Variants in SRC observed in about 807,000 individuals in gnomAD.
The protein encoded by SRC is SRC proto-oncogene, non-receptor tyrosine kinase.
SRC carries 13 observed loss-of-function variants against 62.9 expected under a neutral mutation model. The ratio of observed to expected loss-of-function variants is 0.21; its 90% confidence interval spans 0.13 to 0.33. The LOEUF (loss-of-function observed/expected upper bound fraction) is 0.33. Ranked by LOEUF, SRC falls within the 10% of genes least tolerant of loss-of-function variation. The pLI is 1.00. For missense variants in SRC, 457 were observed against 737.3 expected (o/e 0.62, Z 4.40); for synonymous variants, 302 against 317.5 (o/e 0.95, Z 0.52).
At chr20:37,378,172 T>C (rs1360029992) in intron 2 of SRC, among the ~76,000 whole-genome samples, 1 of 147,672 alleles carries the variant, frequency 6.8e-6, no homozygotes, top group East Asian at 1.9e-4. Flanking sequence ...TTTTTTTTTT[T>C]TTTTTTTTGA....
At chr20:37,380,734 G>C (rs924139697) in intron 2 of SRC, among the ~76,000 whole-genome samples, 5 of 152,222 alleles carry the variant, frequency 3.3e-5, no homozygotes, top group Non-Finnish European at 5.9e-5. Context: ...GCACAGTGGA[G>C]GGCACTGGGT....
chr20:37,361,135 T>TA (rs2069963392), intron 1 of SRC, among the ~76,000 whole-genome samples: 1 of 150,532 alleles, frequency 6.6e-6, no homozygotes, highest in Admixed American at 6.6e-5. Context: ...TGGTGGAGCT[T>TA]AGGGGGGGAA....
At chr20:37,379,040 C>T (rs936076507) in intron 2 of SRC, among the ~76,000 whole-genome samples, 6 of 151,788 alleles carry the variant, frequency 4.0e-5, no homozygotes, top group East Asian at 1.9e-4. Flanking sequence ...GCAGGCTTAG[C>T]GGGAGGTACT....
chr20:37,373,575 G>A (rs1025037047), intron 2 of SRC, among the ~76,000 whole-genome samples: 1 of 152,196 alleles, frequency 6.6e-6, no homozygotes, highest in East Asian at 1.9e-4. Flanking sequence ...CCCCCAAAGT[G>A]TTGGGATTAC....
In SRC at chr20:37,400,301, C is replaced by G. The variant is rs775036212; in HGVS notation, c.1039+7C>G. 1 of 1,602,802 alleles carries G rather than the reference C, an allele frequency of 6.2e-7. No homozygotes were observed. Among genetic ancestry groups the G allele is most frequent in the East Asian group, 2.2e-5 (1 of 44,512 alleles). On this transcript the variant is annotated splice_region_variant and intron_variant, in intron 10 of 13. Transcript: ENST00000373578. Reference sequence around the variant, plus strand: ...ACGGAGTACATGAGCAAGGGTGAGTCCTGGGCGGCCGGGGCAGGGGGCAGG... The same window carrying G: ...ACGGAGTACATGAGCAAGGGTGAGTGCTGGGCGGCCGGGGCAGGGGGCAGG...
intron 1 of SRC, among the ~76,000 whole-genome samples, chr20:37,354,383 T>G (rs757915575): frequency 3.3e-5 from 5 of 152,128 alleles, no homozygotes; most frequent in Non-Finnish European, 7.4e-5. Flanking sequence ...CCGGTGGGGC[T>G]GGGGTGGGGA....
chr20:37,351,897 A>G lies in SRC; in HGVS notation c.-247+5642A>G, dbSNP rs954826148. 6.6e-6 allele frequency among the ~76,000 whole-genome samples: 1 copy of G among 152,192 alleles called. No individual in the cohort carries two copies. The highest frequency in any genetic ancestry group is 1.5e-5 in the Non-Finnish European group (1 of 68,034). On this transcript the variant is annotated intron_variant, in intron 1 of 13. Coordinates refer to ENST00000373578, the MANE Select transcript of SRC (RefSeq NM_198291.3). This position sits in a 1 kb window ranked among gnomAD's most constrained non-coding sequence, Gnocchi z 4.4. Reference sequence around the variant, plus strand: ...CTGATTCTTATTAAGTGTGTACCCAACGTGGCTAAAACTTTTCCCAGGTAT... The same window carrying G: ...CTGATTCTTATTAAGTGTGTACCCAGCGTGGCTAAAACTTTTCCCAGGTAT...
rs557385592 is a variant in SRC, at chr20:37,386,428, C to CCT, written c.350+261_350+262dup. ...CCCTCCAGCCCTCTCTCAGCTTCTC[C>CCT]CTCTCTCTGCTTCTCTCTCGCTGGC... On this transcript the variant is annotated intron_variant, in intron 5 of 13. Transcript: ENST00000373578. 8.7e-4 allele frequency: 625 copies of CCT among 717,750 alleles called. 5 individuals carry two copies. The African/African-American group carries it at 0.01, about 12-fold the overall frequency. 44.5% of individuals were successfully genotyped at this position (717,750 alleles called of 1,614,324 possible). A position where few individuals can be genotyped will look rare whatever the true frequency, so the allele number is the denominator to read the frequency against.
Position 37,397,810 on chromosome 20 carries a change from T to C in SRC, c.815T>C (p.Leu272Pro), listed in dbSNP as rs754650463. The C allele has an allele frequency of 2.5e-6, 4 of 1,611,842 alleles. No homozygotes were observed. The highest frequency in any genetic ancestry group is 2.5e-6 in the Non-Finnish European group (3 of 1,179,780). ...AWEIPRESLRLEVKLGQGCFG... is the reference protein window; with the variant it reads ...AWEIPRESLRPEVKLGQGCFG... The stretch of plus-strand genomic sequence containing the variant: ...GAGATCCCTCGGGAGTCGCTGCGGC[T>C]GGAGGTCAAGCTGGGCCAGGGCTGC... Residue 272 changes from leucine to proline, a missense_variant, in exon 9 of 14, where the codon CTG (leucine) becomes CCG (proline). This residue lies in a region of SRC where 141 missense variants were observed against 198.4 expected (regional missense o/e 0.71). Coordinates refer to ENST00000373578, the MANE Select transcript of SRC (RefSeq NM_198291.3). This position sits in a 1 kb window ranked among gnomAD's most constrained non-coding sequence, Gnocchi z 4.1.
Position 37,402,773 on chromosome 20 carries a change from C to T in SRC, c.1295C>T (p.Thr432Met), listed in dbSNP as rs1490969287. 6.2e-7 allele frequency: 1 copy of T among 1,612,744 alleles called. No homozygotes were observed. Among genetic ancestry groups the T allele is most frequent in the South Asian group, 1.1e-5 (1 of 90,910 alleles). The change falls in exon 13 of 14, where the codon ACG becomes ATG. Residue 432 changes from threonine (T) to methionine (M), a missense_variant. Around this residue, in one of 4 missense-constraint regions of SRC, gnomAD observed 168 missense variants for 357.8 expected, o/e 0.47. Transcript: ENST00000373578. This position sits in a 1 kb window ranked among gnomAD's most constrained non-coding sequence, Gnocchi z 6.2. The stretch of plus-strand genomic sequence containing the variant: ...GGTGCCAAATTCCCCATCAAGTGGA[C>T]GGCTCCAGAAGCTGCCCTCTATGGC... Reference protein sequence around the residue: ...RQGAKFPIKWTAPEAALYGRF... With the variant: ...RQGAKFPIKWMAPEAALYGRF...
Position 37,396,166 on chromosome 20 carries a change from C to T in SRC, c.558C>T (p.Ala186=), listed in dbSNP as rs761837421. 95 of 1,612,526 alleles carry T rather than the reference C, an allele frequency of 5.9e-5. No homozygotes were observed. In the South Asian group the frequency reaches 7.4e-4, roughly 12 times the overall value. ...GCTCCCCTCGGTGCCCCGCAGGTGCCTACTGCCTCTCAGTGTCTGACTTCG... is the reference window on the plus strand; with the variant it reads ...GCTCCCCTCGGTGCCCCGCAGGTGCTTACTGCCTCTCAGTGTCTGACTTCG... ...LVRESETTKG[A]YCLSVSDFDN... Residue 186 remains alanine, a synonymous_variant, in exon 8 of 14, where the codon GCC becomes GCT. Coordinates refer to ENST00000373578, the MANE Select transcript of SRC (RefSeq NM_198291.3). The surrounding 1 kb of genome is among the most constrained non-coding windows in gnomAD (Gnocchi z 6.1).
At position 37,397,337 on chromosome 20, in the gene SRC, G is replaced by A. The variant is rs1045979847; in HGVS notation, c.704-362G>A. ...GGCCACTCCTGCTGTTGCGCGAACA[G>A]CTCTCCAGTCACATTCACATCTGTG... On this transcript the variant is annotated intron_variant, in intron 8 of 13. Transcript: ENST00000373578. The surrounding 1 kb of genome is among the most constrained non-coding windows in gnomAD (Gnocchi z 4.1). Among the ~76,000 whole-genome samples, 2 of 152,192 alleles carry A rather than the reference G, an allele frequency of 1.3e-5. No individual in the cohort carries two copies. Among genetic ancestry groups the A allele is most frequent in the Non-Finnish European group, 2.9e-5 (2 of 68,036 alleles).
At chr20:37,355,916 A>G (rs1381935969) in intron 1 of SRC, among the ~76,000 whole-genome samples, 1 of 152,202 alleles carries the variant, frequency 6.6e-6, no homozygotes, top group East Asian at 1.9e-4. Context: ...CAGAGCCTCA[A>G]ACCCTCACAG....
At chr20:37,362,654 C>G (rs2069992331) in intron 1 of SRC, among the ~76,000 whole-genome samples, 1 of 152,068 alleles carries the variant, frequency 6.6e-6, no homozygotes, top group Non-Finnish European at 1.5e-5. Flanking sequence ...GAGGCTGTGA[C>G]CCCCTGGCCT....
Position 37,374,610 on chromosome 20 carries a change from T to A in SRC, c.-172-8009T>A, listed in dbSNP as rs538870497. ...TTTTTTTTGAGACAGAGTCTTGCTC[T>A]GTTGCCCAGGCTGGAGTACAGTAGC... On this transcript the variant is annotated intron_variant, in intron 2 of 13. Transcript: ENST00000373578. Among the ~76,000 whole-genome samples, 115 of 146,168 alleles carry A rather than the reference T, an allele frequency of 7.9e-4. 1 individual carries two copies. The highest frequency in any genetic ancestry group is 2.8e-3 in the African/African-American group (110 of 39,290).
In SRC at chr20:37,404,299, T is replaced by TG. The variant is rs1330891553; in HGVS notation, c.*924dup. The TG allele has an allele frequency of 8.6e-6, 2 of 233,382 alleles. No homozygotes were observed. The highest frequency in any genetic ancestry group is 5.6e-5 in the Admixed American group (1 of 17,722). 14.5% of individuals were successfully genotyped at this position (233,382 alleles called of 1,614,324 possible). On this transcript the variant is annotated 3_prime_UTR_variant, in exon 14 of 14. Coordinates refer to ENST00000373578, the MANE Select transcript of SRC (RefSeq NM_198291.3). Reference sequence around the variant, plus strand: ...CATGGAGGCAGATGTGGGGCTGAGCTGGGGAATCAGGGTAAAAGGTGCAGG... The same window carrying TG: ...CATGGAGGCAGATGTGGGGCTGAGCTGGGGGAATCAGGGTAAAAGGTGCAGG...
At chr20:37,356,394 G>A (rs888940824) in intron 1 of SRC, among the ~76,000 whole-genome samples, 1 of 152,176 alleles carries the variant, frequency 6.6e-6, no homozygotes, top group Non-Finnish European at 1.5e-5. Context: ...TCTGGGTAGT[G>A]TCTGGGTCAG....
intron 5 of SRC, chr20:37,386,524 G>A: frequency 1.4e-6 from 1 of 709,064 alleles, no homozygotes; most frequent in Non-Finnish European, 2.6e-6. Flanking sequence ...GTGCTTCGCG[G>A]GGGGTGGGGG....
chr20:37,382,105 A>C (rs2070373265), intron 2 of SRC, among the ~76,000 whole-genome samples: 2 of 152,128 alleles, frequency 1.3e-5, no homozygotes, highest in South Asian at 4.1e-4. Flanking sequence ...CCTTTTCCCC[A>C]CTCATGGGTT....
Sources: gnomAD v4.1 joint callset for allele counts (sites outside exome capture counted in the v4.1 genomes callset) on GRCh38, gnomAD v4.1.1 for gene constraint, gnomAD v4.1.1 regional missense constraint, Gnocchi (gnomAD v3.1) non-coding constraint, MANE v1.5 for transcripts, NCBI Gene and HGNC (gene_info 2026-07-23, HGNC 2026-07-21) for gene names.